KCNQ1: variants seen among roughly 807,000 people sequenced by gnomAD.
KCNQ1 encodes potassium voltage-gated channel subfamily Q member 1, also known as potassium voltage-gated channel subfamily KQT member 1.
A neutral mutation model predicts 72.4 loss-of-function variants in KCNQ1; 49 were observed. The observed-to-expected ratio is 0.68, with a 90% CI of 0.54 to 0.86. The LOEUF is 0.86. Among genes scored for constraint, KCNQ1 ranks in the 40% least tolerant of loss-of-function variants. The pLI, the probability that KCNQ1 is intolerant of heterozygous loss-of-function variation, is 0.00. For synonymous variants in KCNQ1, 450 were observed against 412.6 expected, an observed-to-expected ratio of 1.09 and a Z score of -1.10; for missense variants, 790 against 945.1, an observed-to-expected ratio of 0.84 and a Z score of 2.15.
chr11:2,747,118 T>C (rs1166783427), intron 11 of KCNQ1, among the ~76,000 whole-genome samples: 1 of 152,150 alleles, frequency 6.6e-6, no homozygotes, highest in Non-Finnish European at 1.5e-5. Context: ...TGGCCCATGG[T>C]GGAAATGCAA....
At position 2,652,153 on chromosome 11, in the gene KCNQ1, C is replaced by G; in HGVS notation, c.1394-9808C>G. On this transcript the variant is annotated intron_variant, in intron 10 of 15. Transcript: ENST00000155840. This position sits in a 1 kb window ranked among gnomAD's most constrained non-coding sequence, Gnocchi z 5.9. ...GGACCTGTGTTTCTCAAGCCCGCGC[C>G]CTCGGGGCCTGGGGGTGGGGCCCCA... The G allele has an allele frequency of 2.5e-6, 1 of 398,616 alleles. No individual in the cohort carries two copies. Among genetic ancestry groups the G allele is most frequent in the Non-Finnish European group, 4.4e-6 (1 of 226,104 alleles). 24.7% of individuals were successfully genotyped at this position (398,616 alleles called of 1,614,324 possible).
rs184241356 is a variant in KCNQ1 at position 2,536,781 on chromosome 11, G to A, written c.477+8763G>A. On this transcript the variant is annotated intron_variant, in intron 2 of 15. Transcript: ENST00000155840. The surrounding 1 kb of genome is among the most constrained non-coding windows in gnomAD (Gnocchi z 7.4). Reference sequence around the variant, plus strand: ...CGTGATGGGGGACCCCAGGCTGGGCGGCTTAAACCGTGGAGGTCGCCCTCT... The same window carrying A: ...CGTGATGGGGGACCCCAGGCTGGGCAGCTTAAACCGTGGAGGTCGCCCTCT... 3.9e-4 allele frequency among the ~76,000 whole-genome samples: 59 copies of A among 151,156 alleles called. No individual in the cohort carries two copies. The East Asian group carries it at 0.01, about 26-fold the overall frequency.
rs1360674733 is a variant in KCNQ1 at position 2,477,536 on chromosome 11, A to T, written c.386+32052A>T. Among the ~76,000 whole-genome samples the T allele has an allele frequency of 6.6e-6, 1 of 152,146 alleles. No homozygotes were observed. The highest frequency in any genetic ancestry group is 1.5e-5 in the Non-Finnish European group (1 of 68,016). Reference sequence around the variant, plus strand: ...GAGAAAAGAAAACTACAGACCAGTGATATGTACACAGAGAGCAATGAAAAT... The same window carrying T: ...GAGAAAAGAAAACTACAGACCAGTGTTATGTACACAGAGAGCAATGAAAAT... On this transcript the variant is annotated intron_variant, in intron 1 of 15. Coordinates refer to ENST00000155840, the MANE Select transcript of KCNQ1 (RefSeq NM_000218.3). This position sits in a 1 kb window ranked among gnomAD's most constrained non-coding sequence, Gnocchi z 5.0.
In KCNQ1 at chr11:2,734,961, A is replaced by C. The variant is rs1263119593; in HGVS notation, c.1515-33883A>C. 1.3e-5 allele frequency among the ~76,000 whole-genome samples: 2 copies of C among 151,782 alleles called. No individual in the cohort carries two copies. The highest frequency in any genetic ancestry group is 4.8e-5 in the African/African-American group (2 of 41,294). On this transcript the variant is annotated intron_variant, in intron 11 of 15. Transcript: ENST00000155840. This position sits in a 1 kb window ranked among gnomAD's most constrained non-coding sequence, Gnocchi z 7.0. Reference sequence around the variant, plus strand: ...TTCCAGTGCGACACATGTGCCCCGGAGTGGCCGCGTGCCCAGCCGGCTGTG... The same window carrying C: ...TTCCAGTGCGACACATGTGCCCCGGCGTGGCCGCGTGCCCAGCCGGCTGTG...
Position 2,623,156 on chromosome 11 carries a change from G to A in KCNQ1, c.1393+34302G>A. The A allele has an allele frequency of 2.5e-6, 1 of 398,644 alleles. No homozygotes were observed. Among genetic ancestry groups the A allele is most frequent in the Non-Finnish European group, 4.4e-6 (1 of 226,164 alleles). 24.7% of individuals were successfully genotyped at this position (398,644 alleles called of 1,614,324 possible). A position where few individuals can be genotyped will look rare whatever the true frequency, so the allele number is the denominator to read the frequency against. The stretch of plus-strand genomic sequence containing the variant: ...TTCTTTCCCTCTCCTGTTCTGCCAT[G>A]GTAAAGATGTGCCTGCTTCTCCTTT... On this transcript the variant is annotated intron_variant, in intron 10 of 15. Coordinates refer to ENST00000155840, the MANE Select transcript of KCNQ1 (RefSeq NM_000218.3). This position sits in a 1 kb window ranked among gnomAD's most constrained non-coding sequence, Gnocchi z 5.2.
intron 10 of KCNQ1, chr11:2,614,272 T>A: frequency 5.0e-6 from 2 of 398,628 alleles, no homozygotes; most frequent in Non-Finnish European, 8.8e-6. Context: ...ACATGTGTTC[T>A]CCATGTTGAC....
intron 11 of KCNQ1, among the ~76,000 whole-genome samples, chr11:2,740,264 G>T (rs1276009799): frequency 6.6e-6 from 1 of 152,172 alleles, no homozygotes; most frequent in Non-Finnish European, 1.5e-5. Context: ...GACGCTGCTG[G>T]GCAACTAACA....
rs1304689072 is a variant in KCNQ1, at chr11:2,803,811, C to T, written c.1794+25774C>T. Among the ~76,000 whole-genome samples the T allele has an allele frequency of 6.6e-6, 1 of 152,184 alleles. No individual in the cohort carries two copies. The highest frequency in any genetic ancestry group is 1.5e-5 in the Non-Finnish European group (1 of 68,030). ...CTCATCCCCACCTCGGGCCCACCAG[C>T]TCCCACCCTGCTATGCCCATGGACC... is the stretch of plus-strand genomic sequence containing the variant. On this transcript the variant is annotated intron_variant, in intron 15 of 15. Transcript: ENST00000155840. The surrounding 1 kb of genome is among the most constrained non-coding windows in gnomAD (Gnocchi z 6.4).
rs556988766 is a variant in KCNQ1, at chr11:2,768,969, G to A, written c.1590+50G>A. 6.9e-7 allele frequency: 1 copy of A among 1,445,274 alleles called. No homozygotes were observed. Among genetic ancestry groups the A allele is most frequent in the African/African-American group, 1.4e-5 (1 of 71,768 alleles). The allele number at this position is 1,445,274 out of a possible 1,614,324, so 89.5% of individuals were successfully genotyped here. A position where few individuals can be genotyped will look rare whatever the true frequency, so the allele number is the denominator to read the frequency against. On this transcript the variant is annotated intron_variant, in intron 12 of 15. Transcript: ENST00000155840. The surrounding 1 kb of genome is among the most constrained non-coding windows in gnomAD (Gnocchi z 6.7). The stretch of plus-strand genomic sequence containing the variant: ...GCCCTCAGCCTGCCCCTCGCAGCCT[G>A]ATGCAGCTGCCCACACCTCTCCTGG...
Position 2,570,713 on chromosome 11 carries a change from G to C in KCNQ1, c.563G>C (p.Trp188Ser), listed in dbSNP as rs1240024663. Residue 188 changes from tryptophan (W) to serine (S), a missense_variant, in exon 3 of 16, where the codon TGG becomes TCG. This residue lies in a region of KCNQ1 where 294 missense variants were observed against 323.3 expected (regional missense o/e 0.91). Coordinates refer to ENST00000155840, the MANE Select transcript of KCNQ1 (RefSeq NM_000218.3). The part of the protein sequence containing the change: ...AGCRSKYVGL[W>S]GRLRFARKPI... ...TGCCGCAGCAAGTACGTGGGCCTCT[G>C]GGGGCGGCTGCGCTTTGCCCGGAAG... 1 of 1,612,286 alleles carries C rather than the reference G, an allele frequency of 6.2e-7. No individual in the cohort carries two copies. Among genetic ancestry groups the C allele is most frequent in the Admixed American group, 1.7e-5 (1 of 60,024 alleles).
At chr11:2,510,750 T>A (rs920191714) in intron 1 of KCNQ1, among the ~76,000 whole-genome samples, 1 of 152,216 alleles carries the variant, frequency 6.6e-6, no homozygotes, top group African/African-American at 2.4e-5. Context: ...TAGCAGCAGA[T>A]TCTAGGCCAG....
chr11:2,582,976 C>T (rs1345143339), intron 6 of KCNQ1, among the ~76,000 whole-genome samples: 2 of 152,136 alleles, frequency 1.3e-5, no homozygotes, highest in African/African-American at 4.8e-5. Context: ...ACATCTGGTG[C>T]CCTGGAGTGG....
chr11:2,535,357 C>T (rs563249682), intron 2 of KCNQ1, among the ~76,000 whole-genome samples: 1 of 152,336 alleles, frequency 6.6e-6, no homozygotes, highest in South Asian at 2.1e-4. Context: ...TGCCAAGGCT[C>T]CTCCCGGGTC....
rs956366281 is a variant in KCNQ1, at chr11:2,566,103, C to T, written c.478-4525C>T. Reference sequence around the variant, plus strand: ...CCACAGGGCTGAGACACCTCCCTGTCCCCTGGCAGGGCTGGAGGCTCTGGA... The same window carrying T: ...CCACAGGGCTGAGACACCTCCCTGTTCCCTGGCAGGGCTGGAGGCTCTGGA... On this transcript the variant is annotated intron_variant, in intron 2 of 15. Transcript: ENST00000155840. The surrounding 1 kb of genome is among the most constrained non-coding windows in gnomAD (Gnocchi z 6.7). Among the ~76,000 whole-genome samples, 1 of 152,196 alleles carries T rather than the reference C, an allele frequency of 6.6e-6. No individual in the cohort carries two copies. Among genetic ancestry groups the T allele is most frequent in the Non-Finnish European group, 1.5e-5 (1 of 68,022 alleles).
chr11:2,491,844 A>G lies in KCNQ1; in HGVS notation c.387-36084A>G, dbSNP rs1846840362. On this transcript the variant is annotated intron_variant, in intron 1 of 15. Coordinates refer to ENST00000155840, the MANE Select transcript of KCNQ1 (RefSeq NM_000218.3). The surrounding 1 kb of genome is among the most constrained non-coding windows in gnomAD (Gnocchi z 4.1). ...AAGCAGCAAGAAAAAAAAGACTTAT[A>G]ATTGAACTCCATTATATCTGGCAGC... Among the ~76,000 whole-genome samples, 1 of 152,196 alleles carries G rather than the reference A, an allele frequency of 6.6e-6. No homozygotes were observed. The highest frequency in any genetic ancestry group is 1.5e-5 in the Non-Finnish European group (1 of 68,034).
At position 2,748,836 on chromosome 11, in the gene KCNQ1, A is replaced by G. The variant is rs529797965; in HGVS notation, c.1515-20008A>G. On this transcript the variant is annotated intron_variant, in intron 11 of 15. Transcript: ENST00000155840. The surrounding 1 kb of genome is among the most constrained non-coding windows in gnomAD (Gnocchi z 6.2). ...GTGAATGGTGCCCCTGGGGGCCAAG[A>G]TCCCCACCTCTGGTCTGGCAGCTGG... is the stretch of plus-strand genomic sequence containing the variant. 2.0e-5 allele frequency among the ~76,000 whole-genome samples: 3 copies of G among 152,302 alleles called. No homozygotes were observed. In the East Asian group the frequency reaches 5.8e-4, roughly 29 times the overall value.
At position 2,458,992 on chromosome 11, in the gene KCNQ1, G is replaced by T. The variant is rs896067542; in HGVS notation, c.386+13508G>T. ...TGCATGTTCCATTTTTGCCCATGCCGCACCTGCCATGGTGCATTTCTGATT... is the reference window on the plus strand; with the variant it reads ...TGCATGTTCCATTTTTGCCCATGCCTCACCTGCCATGGTGCATTTCTGATT... On this transcript the variant is annotated intron_variant, in intron 1 of 15. Transcript: ENST00000155840. This position sits in a 1 kb window ranked among gnomAD's most constrained non-coding sequence, Gnocchi z 4.6. Among the ~76,000 whole-genome samples the T allele has an allele frequency of 5.9e-5, 9 of 152,192 alleles. No individual in the cohort carries two copies. Among genetic ancestry groups the T allele is most frequent in the African/African-American group, 2.2e-4 (9 of 41,442 alleles).
chr11:2,540,679 G>A (rs932336742), intron 2 of KCNQ1, among the ~76,000 whole-genome samples: 5 of 152,208 alleles, frequency 3.3e-5, no homozygotes, highest in African/African-American at 9.6e-5. Flanking sequence ...CCCCAAATAT[G>A]CAGTCTTGAC....
chr11:2,684,689 T>G (rs1034308296), intron 11 of KCNQ1: 5 of 398,506 alleles, frequency 1.3e-5, no homozygotes, highest in Non-Finnish European at 2.2e-5. Flanking sequence ...AGTGGCCAAC[T>G]GAGCACTTGC....
Sources: gnomAD v4.1 joint callset for allele counts (sites outside exome capture counted in the v4.1 genomes callset) on GRCh38, gnomAD v4.1.1 for gene constraint, gnomAD v4.1.1 regional missense constraint, Gnocchi (gnomAD v3.1) non-coding constraint, MANE v1.5 for transcripts, NCBI Gene and HGNC (gene_info 2026-07-23, HGNC 2026-07-21) for gene names.